Variants in UBAC2 observed in about 807,000 individuals in gnomAD.
UBAC2 encodes the protein ubiquitin-associated domain-containing protein 2.
A neutral mutation model predicts 44.0 loss-of-function variants in UBAC2; 26 were observed. The ratio of observed to expected loss-of-function variants is 0.59; its 90% CI spans 0.43 to 0.82. UBAC2 has a LOEUF of 0.82. UBAC2 is among the 40% of genes least tolerant of loss of function. The pLI is 0.00. For synonymous variants in UBAC2, 155 were observed against 154.3 expected, an observed-to-expected ratio of 1.00 and a Z score of -0.04; for missense variants, 329 against 419.4, an observed-to-expected ratio of 0.78 and a Z score of 1.88.
intron 4 of UBAC2, among the ~76,000 whole-genome samples, chr13:99,250,872 G>A (rs138891830): frequency 1.3e-5 from 2 of 151,802 alleles, no homozygotes; most frequent in East Asian, 1.9e-4. Context: ...TCAGCCTCCC[G>A]AGTAGCTGGG....
chr13:99,310,781 C>CAA (rs1017131908), intron 4 of UBAC2, among the ~76,000 whole-genome samples: 5 of 151,990 alleles, frequency 3.3e-5, no homozygotes, highest in Admixed American at 6.5e-5. Flanking sequence ...AATGTAACCT[C>CAA]AAAAAAGAAC....
At chr13:99,201,526 T>A (rs1161660167) in intron 1 of UBAC2, 3 of 1,614,192 alleles carry the variant, frequency 1.9e-6, no homozygotes, top group Non-Finnish European at 2.5e-6. Context: ...GCTGTGCTGC[T>A]GGATGTTGCT....
At chr13:99,330,871 A>T (rs1032161789) in intron 6 of UBAC2, among the ~76,000 whole-genome samples, 5 of 152,166 alleles carry the variant, frequency 3.3e-5, no homozygotes, top group African/African-American at 1.2e-4. Context: ...AAATAAGCCC[A>T]TATTTTTATT....
At chr13:99,212,473 G>A (rs1308649496) in intron 1 of UBAC2, among the ~76,000 whole-genome samples, 2 of 152,318 alleles carry the variant, frequency 1.3e-5, no homozygotes, top group East Asian at 3.9e-4. Context: ...GATACAATGG[G>A]AAGAGCATGA....
intron 4 of UBAC2, among the ~76,000 whole-genome samples, chr13:99,298,253 T>TG (rs754848022): frequency 1.4e-4 from 21 of 152,296 alleles, no homozygotes; most frequent in Admixed American, 1.1e-3. Context: ...TTTGACCATG[T>TG]GCTAGGTCAC....
chr13:99,342,587 A>G (rs1453619917), intron 7 of UBAC2, among the ~76,000 whole-genome samples: 1 of 152,132 alleles, frequency 6.6e-6, no homozygotes, highest in African/African-American at 2.4e-5. Flanking sequence ...TGCTACCACC[A>G]TGGCCATCCA....
intron 7 of UBAC2, 44 bp downstream of exon 7, chr13:99,340,609 G>C: frequency 6.3e-7 from 1 of 1,585,792 alleles, no homozygotes; most frequent in South Asian, 1.1e-5. Context: ...ATTCTCAGTG[G>C]CCCAAGCAAA....
intron 4 of UBAC2, chr13:99,261,694 C>T (rs2043664590): frequency 6.6e-6 from 1 of 152,358 alleles, no homozygotes; most frequent in Non-Finnish European, 1.5e-5. Flanking sequence ...CCTGGAACCA[C>T]TGAAGTCCCA....
intron 1 of UBAC2, among the ~76,000 whole-genome samples, chr13:99,221,277 A>T (rs559669189): frequency 6.6e-6 from 1 of 152,054 alleles, no homozygotes. Context: ...ACCTCCACAA[A>T]CTGCAGTCTT....
intron 1 of UBAC2, among the ~76,000 whole-genome samples, chr13:99,211,854 T>A (rs115305850): frequency 0.011 from 1,620 of 152,298 alleles, 31 homozygotes; most frequent in African/African-American, 0.038. Context: ...GGAAACTGCA[T>A]CATTGTGTCC....
At chr13:99,257,130 C>T (rs1375552142) in intron 4 of UBAC2, among the ~76,000 whole-genome samples, 2 of 152,056 alleles carry the variant, frequency 1.3e-5, no homozygotes, top group African/African-American at 2.4e-5. Context: ...CTCCTTCTTT[C>T]CTTCTCAAAT....
intron 1 of UBAC2, among the ~76,000 whole-genome samples, chr13:99,223,485 A>C (rs1170185700): frequency 3.1e-5 from 4 of 128,028 alleles, no homozygotes; most frequent in African/African-American, 1.2e-4. Context: ...TCTACTCTTA[A>C]TTATTTCTTT....
intron 1 of UBAC2, among the ~76,000 whole-genome samples, chr13:99,221,174 G>A (rs1180476170): frequency 1.3e-5 from 2 of 152,098 alleles, no homozygotes; most frequent in African/African-American, 2.4e-5. Context: ...ACAGTGCTGC[G>A]ATGAACATTG....
intron 4 of UBAC2, among the ~76,000 whole-genome samples, chr13:99,296,430 G>A (rs150275827): frequency 0.011 from 1,721 of 152,286 alleles, 41 homozygotes; most frequent in African/African-American, 0.039. Context: ...AAAGGAAACA[G>A]AACCATTTAA....
At position 99,233,205 on chromosome 13, in the gene UBAC2, C is replaced by T. The variant is rs545754748; in HGVS notation, c.32-5222C>T. On this transcript the variant is annotated intron_variant, in intron 1 of 8. Coordinates refer to ENST00000403766, the MANE Select transcript of UBAC2 (RefSeq NM_001144072.2). Reference sequence around the variant, plus strand: ...TCGGCTCACTGCAACCTCCACTACCCGGGTTCAAGTGATTCTCCTGCCTCA... The same window carrying T: ...TCGGCTCACTGCAACCTCCACTACCTGGGTTCAAGTGATTCTCCTGCCTCA... Among the ~76,000 whole-genome samples, 6 of 151,668 alleles carry T rather than the reference C, an allele frequency of 4.0e-5. No homozygotes were observed. The East Asian group carries it at 7.9e-4, about 20-fold the overall frequency.
chr13:99,347,995 TC>T (rs930424838), intron 7 of UBAC2, among the ~76,000 whole-genome samples: 1 of 152,098 alleles, frequency 6.6e-6, no homozygotes, highest in African/African-American at 2.4e-5. Flanking sequence ...TCTCAGTAGT[TC>T]CTTGCCCGCT....
At chr13:99,292,513 A>G (rs1222534707) in intron 4 of UBAC2, among the ~76,000 whole-genome samples, 1 of 152,116 alleles carries the variant, frequency 6.6e-6, no homozygotes, top group Non-Finnish European at 1.5e-5. Flanking sequence ...TTTATAAAGT[A>G]TGGGTGACAC....
rs536372114 is a variant in UBAC2 at position 99,336,223 on chromosome 13, T to G, written c.562-4097T>G. Among the ~76,000 whole-genome samples the G allele has an allele frequency of 2.6e-5, 4 of 152,332 alleles. No homozygotes were observed. In the East Asian group the frequency reaches 5.8e-4, roughly 22 times the overall value. The stretch of plus-strand genomic sequence containing the variant: ...TACACATTCCTAGGGTTTCTTGATA[T>G]GTTCTGAATGCTGCCTTGGTTGGCT... On this transcript the variant is annotated intron_variant, in intron 6 of 8. Transcript: ENST00000403766.
rs869112086 is a variant in UBAC2 at position 99,338,047 on chromosome 13, C to CTTTTTTTTTTTTTTTTTTTTTTTTT, written c.562-2269_562-2245dup. 1.7e-3 allele frequency among the ~76,000 whole-genome samples: 81 copies of CTTTTTTTTTTTTTTTTTTTTTTTTT among 48,866 alleles called. 8 individuals are homozygous for CTTTTTTTTTTTTTTTTTTTTTTTTT. The highest frequency in any genetic ancestry group is 3.1e-3 in the African/African-American group (44 of 14,116). The allele number at this position is 48,866 out of a possible 152,430, so 32.1% of individuals were successfully genotyped here. ...ATCTCCTAACTTTTTTTCTTTTTTT[C>CTTTTTTTTTTTTTTTTTTTTTTTTT]TTTTTTTTTTTTTTTTTTTTTTTTT... is the stretch of plus-strand genomic sequence containing the variant. On this transcript the variant is annotated intron_variant, in intron 6 of 8. Transcript: ENST00000403766.
Sources: gnomAD v4.1 joint callset for allele counts (sites outside exome capture counted in the v4.1 genomes callset) on GRCh38, gnomAD v4.1.1 for gene constraint, MANE v1.5 for transcripts, NCBI Gene and HGNC (gene_info 2026-07-23, HGNC 2026-07-21) for gene names.